Variants in CYSTM1 observed in about 807,000 individuals in gnomAD.
CYSTM1 encodes the protein cysteine-rich transmembrane module-containing protein 1.
A neutral mutation model predicts 13.1 loss-of-function variants in CYSTM1; 4 were observed. The ratio of observed to expected loss-of-function variants is 0.31; its 90% CI spans 0.15 to 0.70. CYSTM1 has a LOEUF of 0.70. Among genes scored for constraint, CYSTM1 ranks in the 30% least tolerant of loss-of-function variants. CYSTM1 has a pLI of 0.72. For synonymous variants in CYSTM1, 36 were observed against 42.7 expected (o/e 0.84, Z 0.62); for missense variants, 96 against 121.6 (o/e 0.79, Z 0.99).
chr5:140,205,106 A>C (rs910757323), intron 2 of CYSTM1, among the ~76,000 whole-genome samples: 1 of 152,152 alleles, frequency 6.6e-6, no homozygotes, highest in East Asian at 1.9e-4. Flanking sequence ...GTATGTTGGG[A>C]ACTACCCAGT....
intron 2 of CYSTM1, among the ~76,000 whole-genome samples, chr5:140,210,445 C>G (rs1232262777): frequency 1.3e-5 from 2 of 152,130 alleles, no homozygotes; most frequent in African/African-American, 4.8e-5. Context: ...CCAAATGTCC[C>G]CTAGGGGCCA....
chr5:140,176,007 C>A (rs915494551), intron 1 of CYSTM1, among the ~76,000 whole-genome samples: 2 of 151,966 alleles, frequency 1.3e-5, no homozygotes, highest in African/African-American at 4.8e-5. Context: ...GGGAAGGAGA[C>A]CATGAGGAAA....
At chr5:140,200,704 A>T (rs1764216000) in intron 2 of CYSTM1, 1 of 151,824 alleles carries the variant, frequency 6.6e-6, no homozygotes, top group African/African-American at 2.4e-5. Context: ...GGGACTACAG[A>T]TGCCTGCCAC....
At chr5:140,233,174 G>A (rs969362110) in intron 2 of CYSTM1, among the ~76,000 whole-genome samples, 2 of 152,196 alleles carry the variant, frequency 1.3e-5, no homozygotes, top group African/African-American at 4.8e-5. Flanking sequence ...AGGGGCCTGA[G>A]GAATACATTT....
chr5:140,187,322 C>T (rs368777927), intron 1 of CYSTM1, among the ~76,000 whole-genome samples: 4 of 151,372 alleles, frequency 2.6e-5, no homozygotes, highest in African/African-American at 4.8e-5. Context: ...AAAAAGACAC[C>T]GAGGTCTCTA....
At chr5:140,193,031 A>T (rs1393126602) in intron 1 of CYSTM1, among the ~76,000 whole-genome samples, 3 of 152,178 alleles carry the variant, frequency 2.0e-5, no homozygotes, top group Non-Finnish European at 4.4e-5. Flanking sequence ...TCTGTCCTTT[A>T]TATAATAAAG....
rs3083575 is a variant in CYSTM1 at position 140,206,607 on chromosome 5, GTTGTTTGT to G, written c.187+11982_187+11989del. Reference sequence around the variant, plus strand: ...GTGTCAGGGCCTTGTGCTGAGCACTGTTGTTTGTTTGTTTGTTTGTTTGTTTGTTTGTT... The same window carrying G: ...GTGTCAGGGCCTTGTGCTGAGCACTGTTGTTTGTTTGTTTGTTTGTTTGTT... On this transcript the variant is annotated intron_variant, in intron 2 of 2. Transcript: ENST00000261811. Among the ~76,000 whole-genome samples, 671 of 149,398 alleles carry G rather than the reference GTTGTTTGT, an allele frequency of 4.5e-3. 2 individuals carry two copies. Among genetic ancestry groups the G allele is most frequent in the South Asian group, 7.2e-3 (34 of 4,718 alleles).
intron 2 of CYSTM1, among the ~76,000 whole-genome samples, chr5:140,226,511 TATTAA>T (rs1289350003): frequency 4.0e-5 from 5 of 124,252 alleles, no homozygotes; most frequent in Non-Finnish European, 8.1e-5. Context: ...TATAAATATA[TATTAA>T]TAATATATAA....
chr5:140,226,505 A>ATATATTTATATATATATAATAT (rs1491024017), intron 2 of CYSTM1, among the ~76,000 whole-genome samples: 1 of 80,462 alleles, frequency 1.2e-5, no homozygotes, highest in African/African-American at 4.2e-5. Flanking sequence ...AATATATATA[A>ATATATTTATATATATATAATAT]ATATATATTA....
intron 1 of CYSTM1, among the ~76,000 whole-genome samples, chr5:140,181,970 C>A (rs959920404): frequency 3.3e-5 from 5 of 152,154 alleles, no homozygotes; most frequent in Admixed American, 2.6e-4. Context: ...TGAAAGTAAA[C>A]CCTAGTGTTT....
At chr5:140,213,135 G>A (rs1212661676) in intron 2 of CYSTM1, among the ~76,000 whole-genome samples, 3 of 151,008 alleles carry the variant, frequency 2.0e-5, no homozygotes, top group Non-Finnish European at 4.4e-5. Flanking sequence ...CTCCATGTAT[G>A]TTATTACCCC....
At chr5:140,183,234 C>G (rs1367986036) in intron 1 of CYSTM1, among the ~76,000 whole-genome samples, 1 of 152,190 alleles carries the variant, frequency 6.6e-6, no homozygotes, top group East Asian at 1.9e-4. Flanking sequence ...AGTGTGTCCT[C>G]TCAACTTGGC....
rs1378942610 is a variant in CYSTM1 at position 140,219,158 on chromosome 5, TTCTCTGCTGGTGAAG to T, written c.188-24141_188-24127del. Among the ~76,000 whole-genome samples, 1 of 152,154 alleles carries T rather than the reference TTCTCTGCTGGTGAAG, an allele frequency of 6.6e-6. No individual in the cohort carries two copies. Among genetic ancestry groups the T allele is most frequent in the African/African-American group, 2.4e-5 (1 of 41,430 alleles). On this transcript the variant is annotated intron_variant, in intron 2 of 2. Transcript: ENST00000261811. This position sits in a 1 kb window ranked among gnomAD's most constrained non-coding sequence, Gnocchi z 4.1. Reference sequence around the variant, plus strand: ...GCCAGGCCACCACTTCTGTCTCCTTTTCTCTGCTGGTGAAGTCTCTAGCCTCACATTTGCCAAATA... The same window carrying T: ...GCCAGGCCACCACTTCTGTCTCCTTTTCTCTAGCCTCACATTTGCCAAATA...
intron 1 of CYSTM1, among the ~76,000 whole-genome samples, chr5:140,180,488 A>G (rs1477759542): frequency 6.6e-6 from 1 of 152,246 alleles, no homozygotes; most frequent in African/African-American, 2.4e-5. Context: ...GGAGTCAGCA[A>G]TTAAACAGCA....
At chr5:140,205,264 A>T (rs1764286370) in intron 2 of CYSTM1, among the ~76,000 whole-genome samples, 1 of 152,070 alleles carries the variant, frequency 6.6e-6, no homozygotes. Context: ...GAGGTGATAG[A>T]ATGGCATATT....
chr5:140,214,430 T>G (rs1480155463), intron 2 of CYSTM1, among the ~76,000 whole-genome samples: 2 of 152,182 alleles, frequency 1.3e-5, no homozygotes, highest in Admixed American at 1.3e-4. Context: ...CAGATCCAAT[T>G]TATTCAGCTG....
chr5:140,230,761 T>C lies in CYSTM1; in HGVS notation c.188-12544T>C, dbSNP rs1764609494. ...CTCTGTTAGGGATTGGTGTCTTTAATCTTTGGGGCACAGTTTCAGTCCTTT... is the reference window on the plus strand; with the variant it reads ...CTCTGTTAGGGATTGGTGTCTTTAACCTTTGGGGCACAGTTTCAGTCCTTT... On this transcript the variant is annotated intron_variant, in intron 2 of 2. Transcript: ENST00000261811. The surrounding 1 kb of genome is among the most constrained non-coding windows in gnomAD (Gnocchi z 4.1). 6.6e-6 allele frequency among the ~76,000 whole-genome samples: 1 copy of C among 152,214 alleles called. No homozygotes were observed.
chr5:140,180,399 G>C (rs1763949657), intron 1 of CYSTM1, among the ~76,000 whole-genome samples: 1 of 152,156 alleles, frequency 6.6e-6, no homozygotes. Context: ...TTATCTGTAG[G>C]CTTAGCTGAG....
At chr5:140,212,702 C>T (rs1764382380) in intron 2 of CYSTM1, among the ~76,000 whole-genome samples, 1 of 152,072 alleles carries the variant, frequency 6.6e-6, no homozygotes. Context: ...CACAATGGCT[C>T]ACACCTGTAA....
Sources: allele counts gnomAD v4.1 joint callset (sites outside exome capture counted in the v4.1 genomes callset), GRCh38; gene constraint gnomAD v4.1.1; non-coding constraint Gnocchi (gnomAD v3.1); transcripts MANE v1.5; gene names NCBI Gene and HGNC (gene_info 2026-07-23, HGNC 2026-07-21).